The following TP53BP2 variants were observed in gnomAD, a reference collection of about 807,000 sequenced individuals.
The protein encoded by TP53BP2 is apoptosis-stimulating of p53 protein 2.
TP53BP2 carries 62 observed loss-of-function variants against 126.2 expected under a neutral mutation model. The ratio of observed to expected loss-of-function variants is 0.49; its 90% CI spans 0.40 to 0.61. The LOEUF is 0.61. Ranked by LOEUF, TP53BP2 falls within the 20% of genes least tolerant of loss-of-function variation. The pLI is 0.00. For missense variants in TP53BP2, 1,215 were observed against 1,402.8 expected (o/e 0.87, Z 2.14); for synonymous variants, 485 against 502.9 (o/e 0.96, Z 0.48).
At position 223,818,799 on chromosome 1, in the gene TP53BP2, A is replaced by C. The variant is rs6691138; in HGVS notation, c.175+2421T>G. Among the ~76,000 whole-genome samples the C allele has an allele frequency of 1.8e-4, 27 of 151,252 alleles. No homozygotes were observed. In the East Asian group the frequency reaches 5.6e-3, roughly 31 times the overall value. ...TCACCATGTTGGCCAGGCTGGTCTC[A>C]AACTCCTAAACTCAGGTGATCAACC... On this transcript the variant is annotated intron_variant, in intron 2 of 17. Coordinates refer to ENST00000343537, the MANE Select transcript of TP53BP2 (RefSeq NM_001031685.3).
chr1:223,793,481 T>C (rs372887857), intron 13 of TP53BP2, 41 bp from the exon 14 acceptor site: 3 of 1,479,438 alleles, frequency 2.0e-6, no homozygotes, highest in Non-Finnish European at 2.7e-6. Flanking sequence ...TCCTCGTCTA[T>C]GCAAGAGAAC....
In TP53BP2 at chr1:223,793,300, T is replaced by A. The variant is rs1046965064; in HGVS notation, c.2862+3A>T. On this transcript the variant is annotated splice_donor_region_variant and intron_variant, in intron 14 of 17. Coordinates refer to ENST00000343537, the MANE Select transcript of TP53BP2 (RefSeq NM_001031685.3). ...AAAAAAAATTTACTAATTATAATCA[T>A]ACCTCATAAATAATTCTCTGTACAA... 1 of 1,579,924 alleles carries A rather than the reference T, an allele frequency of 6.3e-7. No homozygotes were observed.
intron 1 of TP53BP2, among the ~76,000 whole-genome samples, chr1:223,841,640 A>C (rs1664105389): frequency 6.6e-6 from 1 of 152,242 alleles, no homozygotes; most frequent in Admixed American, 6.5e-5. Flanking sequence ...AAGTTAAGCT[A>C]CTGGTCTGTA....
rs1664121848 is a variant in TP53BP2, at chr1:223,842,144, TG to T, written c.27+3509del. Among the ~76,000 whole-genome samples the T allele has an allele frequency of 3.3e-5, 5 of 152,192 alleles. No homozygotes were observed. The South Asian group carries it at 1.0e-3, about 32-fold the overall frequency. On this transcript the variant is annotated intron_variant, in intron 1 of 17. Coordinates refer to ENST00000343537, the MANE Select transcript of TP53BP2 (RefSeq NM_001031685.3). ...TGGTAGAGATGGGGTTTCACCATGTTGGTCAGGCTGGTCTCAAACTCCTGAC... is the reference window on the plus strand; with the variant it reads ...TGGTAGAGATGGGGTTTCACCATGTTGTCAGGCTGGTCTCAAACTCCTGAC...
intron 1 of TP53BP2, among the ~76,000 whole-genome samples, chr1:223,830,576 C>G (rs890271057): frequency 2.6e-4 from 39 of 149,850 alleles, no homozygotes; most frequent in African/African-American, 9.0e-4. Context: ...ACTCTAAATG[C>G]CTGAAGATTT....
At chr1:223,809,976 A>G (rs563804232) in intron 4 of TP53BP2, among the ~76,000 whole-genome samples, 36 of 152,160 alleles carry the variant, frequency 2.4e-4, no homozygotes, top group Middle Eastern at 3.4e-3. Context: ...ACAGACATGT[A>G]CTACTACACC....
At chr1:223,838,876 G>A (rs987660665) in intron 1 of TP53BP2, among the ~76,000 whole-genome samples, 1 of 152,154 alleles carries the variant, frequency 6.6e-6, no homozygotes, top group South Asian at 2.1e-4. Flanking sequence ...GAGGTGGGAA[G>A]AAATAGCTAT....
chr1:223,803,110 T>C (rs1662585177), intron 7 of TP53BP2, 161 bp downstream of exon 7: 1 of 993,022 alleles, frequency 1.0e-6, no homozygotes, highest in African/African-American at 1.6e-5. Context: ...TCTAGGGTAC[T>C]ATAAAGTTTA....
chr1:223,836,162 T>A (rs1228992885), intron 1 of TP53BP2, among the ~76,000 whole-genome samples: 1 of 152,212 alleles, frequency 6.6e-6, no homozygotes, highest in Admixed American at 6.5e-5. Flanking sequence ...AAGCCACGAA[T>A]GTGCTGCAAA....
intron 1 of TP53BP2, among the ~76,000 whole-genome samples, chr1:223,822,895 TAACTCCATGC>T (rs1663361155): frequency 6.6e-6 from 1 of 152,154 alleles, no homozygotes; most frequent in Non-Finnish European, 1.5e-5. Context: ...ATTCAATGAG[TAACTCCATGC>T]AAGTCAGTAT....
chr1:223,813,372 T>C (rs1379853247), intron 3 of TP53BP2, among the ~76,000 whole-genome samples: 1 of 152,142 alleles, frequency 6.6e-6, no homozygotes, highest in African/African-American at 2.4e-5. Context: ...AACCTTCTGT[T>C]TTTTGACCAC....
chr1:223,783,319 T>TAG (rs1160927735), intron 17 of TP53BP2, among the ~76,000 whole-genome samples: 1 of 152,250 alleles, frequency 6.6e-6, no homozygotes, highest in Non-Finnish European at 1.5e-5. Flanking sequence ...TGAAGCAACG[T>TAG]AGAGGCCAGT....
chr1:223,781,086 C>T (rs1437336792), intron 17 of TP53BP2, among the ~76,000 whole-genome samples, 192 bp from the exon 18 acceptor site: 4 of 152,180 alleles, frequency 2.6e-5, no homozygotes, highest in South Asian at 2.1e-4. Context: ...CTCAGCAGGA[C>T]GTTCAAAGAT....
At chr1:223,785,117 G>A (rs955198380) in intron 16 of TP53BP2, among the ~76,000 whole-genome samples, 13 of 152,074 alleles carry the variant, frequency 8.5e-5, no homozygotes, top group Non-Finnish European at 1.5e-5. Context: ...AAAAAGCAGA[G>A]GAGAAGGAAA....
intron 2 of TP53BP2, 123 bp downstream of exon 2, chr1:223,821,097 C>T: frequency 4.0e-6 from 5 of 1,238,470 alleles, no homozygotes; most frequent in Non-Finnish European, 4.5e-6. Context: ...ACTATTTCTG[C>T]CGGACGTGCT....
At chr1:223,830,747 A>G (rs1377003726) in intron 1 of TP53BP2, among the ~76,000 whole-genome samples, 3 of 152,162 alleles carry the variant, frequency 2.0e-5, no homozygotes, top group Non-Finnish European at 4.4e-5. Flanking sequence ...AGTGTTAGGA[A>G]AATGTTAAGA....
At chr1:223,808,536 G>A (rs1353063023) in intron 4 of TP53BP2, among the ~76,000 whole-genome samples, 3 of 121,836 alleles carry the variant, frequency 2.5e-5, no homozygotes, top group African/African-American at 8.2e-5. Flanking sequence ...GTGAGACTCT[G>A]TATCAAAAAA....
chr1:223,783,080 T>G (rs1661827872), intron 17 of TP53BP2, among the ~76,000 whole-genome samples: 1 of 152,204 alleles, frequency 6.6e-6, no homozygotes, highest in Admixed American at 6.5e-5. Context: ...AGTGGATCAC[T>G]CACAGACAGA....
chr1:223,833,515 G>A (rs972086279), intron 1 of TP53BP2, among the ~76,000 whole-genome samples: 1 of 151,896 alleles, frequency 6.6e-6, no homozygotes, highest in African/African-American at 2.4e-5. Context: ...TCAACATTCT[G>A]GAAAAAAATG....
Sources: gnomAD v4.1 joint callset for allele counts (sites outside exome capture counted in the v4.1 genomes callset) on GRCh38, gnomAD v4.1.1 for gene constraint, MANE v1.5 for transcripts, NCBI Gene and HGNC (gene_info 2026-07-23, HGNC 2026-07-21) for gene names.